The following CSMD2 variants were observed in gnomAD, a reference collection of about 807,000 sequenced individuals.
The protein encoded by CSMD2 is CUB and Sushi multiple domains 2.
CSMD2 carries 130 observed loss-of-function variants against 398.5 expected under a neutral mutation model. That is an observed-to-expected ratio of 0.33 (90% confidence interval 0.28 to 0.38). The LOEUF (loss-of-function observed/expected upper bound fraction) is 0.38. Ranked by LOEUF, CSMD2 falls within the 10% of genes least tolerant of loss-of-function variation. CSMD2 has a pLI of 1.00. For synonymous variants in CSMD2, 1,828 were observed against 1,908.5 expected, an observed-to-expected ratio of 0.96 and a Z score of 1.10; for missense variants, 3,829 against 4,764.9, an observed-to-expected ratio of 0.80 and a Z score of 5.78.
At chr1:33,905,174 A>G (rs1416852535) in intron 5 of CSMD2, among the ~76,000 whole-genome samples, 1 of 152,078 alleles carries the variant, frequency 6.6e-6, no homozygotes, top group Non-Finnish European at 1.5e-5. Flanking sequence ...GAAAATTTAA[A>G]TCAAGAGCCA....
intron 6 of CSMD2, among the ~76,000 whole-genome samples, chr1:33,826,576 C>A (rs1557958777): frequency 6.6e-6 from 1 of 152,152 alleles, no homozygotes; most frequent in African/African-American, 2.4e-5. Context: ...GGAGATGGGG[C>A]CTGACTCAAG....
intron 12 of CSMD2, among the ~76,000 whole-genome samples, chr1:33,781,699 A>G (rs1166189088): frequency 1.3e-5 from 2 of 152,214 alleles, no homozygotes; most frequent in Non-Finnish European, 2.9e-5. Flanking sequence ...GATTGATGCT[A>G]AAACTTGTTA....
chr1:33,598,119 G>T (rs941574393), intron 44 of CSMD2, among the ~76,000 whole-genome samples: 1 of 151,610 alleles, frequency 6.6e-6, no homozygotes, highest in Non-Finnish European at 1.5e-5. Context: ...AACTCTCAGG[G>T]TAGGGTAGGG....
chr1:33,944,840 G>C (rs113795804), intron 3 of CSMD2, among the ~76,000 whole-genome samples: 1 of 152,112 alleles, frequency 6.6e-6, no homozygotes, highest in Admixed American at 6.5e-5. Flanking sequence ...TCTAAGGGCT[G>C]TGCCTTTTAC....
At chr1:33,852,724 T>A (rs1478809865) in intron 5 of CSMD2, among the ~76,000 whole-genome samples, 10 of 152,238 alleles carry the variant, frequency 6.6e-5, no homozygotes, top group Non-Finnish European at 1.3e-4. Flanking sequence ...TCTTTTTGTC[T>A]CAGTATCTCT....
intron 41 of CSMD2, among the ~76,000 whole-genome samples, chr1:33,608,817 C>T (rs1026765669): frequency 6.6e-6 from 1 of 152,168 alleles, no homozygotes; most frequent in Admixed American, 6.5e-5. Flanking sequence ...TGATCTTGAC[C>T]ATCCAGCCCC....
intron 1 of CSMD2, among the ~76,000 whole-genome samples, chr1:34,151,047 A>G (rs1343695442): frequency 1.3e-5 from 2 of 152,188 alleles, no homozygotes. Flanking sequence ...GTCTTTGTCT[A>G]GCTGCTCCCT....
chr1:34,161,244 T>C (rs1283720679), intron 1 of CSMD2, among the ~76,000 whole-genome samples: 1 of 152,194 alleles, frequency 6.6e-6, no homozygotes, highest in African/African-American at 2.4e-5. Flanking sequence ...AGTGAAGATG[T>C]CCAAGGATCA....
Position 33,629,782 on chromosome 1 carries a change from G to A in CSMD2, c.5201-3201C>T, listed in dbSNP as rs566430244. Among the ~76,000 whole-genome samples, 349 of 150,594 alleles carry A rather than the reference G, an allele frequency of 2.3e-3. 4 individuals carry two copies. The highest frequency in any genetic ancestry group is 1.8e-3 in the Non-Finnish European group (123 of 67,766). ...TTTTGAGACGGAGTCTCTCTCTGTC[G>A]CCCAGGCTGGAGTGCAATGGCGCGA... On this transcript the variant is annotated intron_variant, in intron 32 of 70. Coordinates refer to ENST00000373381, the MANE Select transcript of CSMD2 (RefSeq NM_001281956.2).
Position 34,129,858 on chromosome 1 carries a change from G to A in CSMD2, c.187+35053C>T, listed in dbSNP as rs1663149990. Among the ~76,000 whole-genome samples, 6 of 152,244 alleles carry A rather than the reference G, an allele frequency of 3.9e-5. No homozygotes were observed. The South Asian group carries it at 1.2e-3, about 32-fold the overall frequency. On this transcript the variant is annotated intron_variant, in intron 1 of 70. Coordinates refer to ENST00000373381, the MANE Select transcript of CSMD2 (RefSeq NM_001281956.2). Reference sequence around the variant, plus strand: ...AGAGTCAGACAAAACTGAATTCACAGTCCCTTCTGCCACTTGCTGGCTGTG... The same window carrying A: ...AGAGTCAGACAAAACTGAATTCACAATCCCTTCTGCCACTTGCTGGCTGTG...
chr1:34,123,724 A>G (rs1456319695), intron 1 of CSMD2, among the ~76,000 whole-genome samples: 4 of 151,570 alleles, frequency 2.6e-5, no homozygotes, highest in African/African-American at 4.8e-5. Flanking sequence ...ATGTGTGGAG[A>G]AAAAAAACCC....
Position 33,519,249 on chromosome 1 carries a change from C to T in CSMD2, c.*53+216G>A, listed in dbSNP as rs1654024742. 6.6e-6 allele frequency among the ~76,000 whole-genome samples: 1 copy of T among 152,212 alleles called. No individual in the cohort carries two copies. The highest frequency in any genetic ancestry group is 6.5e-5 in the Admixed American group (1 of 15,280). ...TTTCTCATCTGTAATGGGGCTCCCA[C>T]AAGCTTCTACCTCACAGGGCGTGCA... On this transcript the variant is annotated intron_variant, in intron 70 of 70. Coordinates refer to ENST00000373381, the MANE Select transcript of CSMD2 (RefSeq NM_001281956.2). The surrounding 1 kb of genome is among the most constrained non-coding windows in gnomAD (Gnocchi z 5.6).
At chr1:33,851,778 C>T (rs1391096976) in intron 5 of CSMD2, among the ~76,000 whole-genome samples, 1 of 152,124 alleles carries the variant, frequency 6.6e-6, no homozygotes, top group East Asian at 1.9e-4. Context: ...CTTGCTATGT[C>T]AAGATAAATT....
chr1:33,767,566 C>A (rs1249639403), intron 13 of CSMD2, among the ~76,000 whole-genome samples: 1 of 152,090 alleles, frequency 6.6e-6, no homozygotes, highest in South Asian at 2.1e-4. Flanking sequence ...AACAGCCATA[C>A]CCTCTTATGC....
chr1:33,935,656 T>A, intron 4 of CSMD2, 104 bp downstream of exon 4: 1 of 1,244,468 alleles, frequency 8.0e-7, no homozygotes, highest in Non-Finnish European at 1.1e-6. Context: ...CCCCCCTCCC[T>A]GCTGGGGTGT....
intron 1 of CSMD2, among the ~76,000 whole-genome samples, chr1:34,094,649 A>G (rs2148388988): frequency 6.6e-6 from 1 of 152,322 alleles, no homozygotes; most frequent in South Asian, 2.1e-4. Flanking sequence ...ACAAAGATCA[A>G]AAGAGACAAA....
chr1:34,099,575 G>A (rs1659745976), intron 1 of CSMD2, among the ~76,000 whole-genome samples: 1 of 152,238 alleles, frequency 6.6e-6, no homozygotes. Flanking sequence ...AGAAAGAAGT[G>A]AAGGAGTTCA....
At chr1:33,825,649 G>T in intron 7 of CSMD2, 48 bp downstream of exon 7, 1 of 1,535,900 alleles carries the variant, frequency 6.5e-7, no homozygotes, top group Non-Finnish European at 9.0e-7. Context: ...CTGCACGTGT[G>T]ACCTCAAGCA....
At chr1:33,592,134 G>T (rs1639502071) in intron 44 of CSMD2, 1 of 465,366 alleles carries the variant, frequency 2.1e-6, no homozygotes, top group East Asian at 4.2e-5. Context: ...CCAAGGGTGG[G>T]TTTGCAGCCA....
Sources: gnomAD v4.1 joint callset for allele counts (sites outside exome capture counted in the v4.1 genomes callset) on GRCh38, gnomAD v4.1.1 for gene constraint, Gnocchi (gnomAD v3.1) non-coding constraint, MANE v1.5 for transcripts, NCBI Gene and HGNC (gene_info 2026-07-23, HGNC 2026-07-21) for gene names.